Variants in MYH15 observed in about 807,000 individuals in gnomAD.
The protein encoded by MYH15 is myosin heavy chain 15.
Under a neutral mutation model 240.5 loss-of-function variants are expected in MYH15, and 227 were observed. That is an observed-to-expected ratio of 0.94 (90% CI 0.85 to 1.05). The LOEUF (loss-of-function observed/expected upper bound fraction) is 1.05. Ranked by LOEUF, MYH15 falls within the 50% of genes least tolerant of loss-of-function variation. The probability of loss-of-function intolerance (pLI) is 0.00; values close to 1 mark genes in which losing one functional copy is unlikely to be tolerated. For missense variants in MYH15, 2,217 were observed against 2,247.5 expected (o/e 0.99, Z 0.27); for synonymous variants, 785 against 796.7 (o/e 0.99, Z 0.25).
chr3:108,411,756 T>C (rs185009142), intron 30 of MYH15, among the ~76,000 whole-genome samples: 3 of 152,314 alleles, frequency 2.0e-5, no homozygotes, highest in Admixed American at 2.0e-4. Flanking sequence ...CCAAAGCTTT[T>C]TCTCATCTAC....
chr3:108,455,623 TATGGTC>T, intron 20 of MYH15, 107 bp downstream of exon 20: 1 of 1,203,330 alleles, frequency 8.3e-7, no homozygotes, highest in Non-Finnish European at 1.2e-6. Context: ...TTGTGATATT[TATGGTC>T]ATGAGAGCTG....
chr3:108,463,015 CAT>C, intron 16 of MYH15, 94 bp downstream of exon 16: 1 of 1,384,944 alleles, frequency 7.2e-7, no homozygotes. Context: ...GGAGCAGAAA[CAT>C]ATCACAGGAA....
chr3:108,443,610 G>GA (rs2082901937), intron 22 of MYH15, among the ~76,000 whole-genome samples: 1 of 152,160 alleles, frequency 6.6e-6, no homozygotes, highest in African/African-American at 2.4e-5. Flanking sequence ...GGAGTAACAT[G>GA]AAAGAGAGTG....
chr3:108,492,695 C>T, intron 8 of MYH15, 100 bp from the exon 9 acceptor site: 1 of 828,236 alleles, frequency 1.2e-6, no homozygotes, highest in Non-Finnish European at 1.9e-6. Flanking sequence ...AACTGTAATC[C>T]CAGCATTTTG....
chr3:108,510,659 T>C, upstream of MYH15: 1 of 1,433,320 alleles, frequency 7.0e-7, no homozygotes, highest in Non-Finnish European at 9.6e-7. Context: ...GAGCAACCAT[T>C]CACATAGATA....
the MYH15 span, among the ~76,000 whole-genome samples, chr3:108,544,723 T>C: frequency 6.6e-6 from 1 of 152,298 alleles, no homozygotes; most frequent in East Asian, 1.9e-4. Flanking sequence ...CCCAAGATTC[T>C]TGTAACCCTT....
Position 108,456,821 on chromosome 3 carries a change from T to G in MYH15, c.2083A>C (p.Arg695=). ...LRCNGVLEGT[R]ICREGFPNRL... Reference sequence around the variant, plus strand: ...TTTGGAAAACCTTCACGGCATATCCTAGTCCCTTCCAAGACACCATTACAG... The same window carrying G: ...TTTGGAAAACCTTCACGGCATATCCGAGTCCCTTCCAAGACACCATTACAG... The change falls in exon 19 of 41, where the codon AGG becomes CGG. Residue 695 remains arginine, a synonymous_variant. Transcript: ENST00000693548. The G allele has an allele frequency of 1.9e-6, 3 of 1,613,814 alleles. No homozygotes were observed. The East Asian group carries it at 6.7e-5, about 36-fold the overall frequency.
At chr3:108,386,428 G>A (rs1167969123) in intron 38 of MYH15, among the ~76,000 whole-genome samples, 1 of 152,084 alleles carries the variant, frequency 6.6e-6, no homozygotes, top group Non-Finnish European at 1.5e-5. Context: ...ACCTCCAACT[G>A]CAGTGCCTTT....
At chr3:108,474,433 C>T (rs2083202466) in intron 12 of MYH15, among the ~76,000 whole-genome samples, 1 of 151,210 alleles carries the variant, frequency 6.6e-6, no homozygotes, top group Non-Finnish European at 1.5e-5. Flanking sequence ...GACTTGTTCT[C>T]AGCCCTCCTA....
intron 32 of MYH15, among the ~76,000 whole-genome samples, chr3:108,406,790 G>C (rs1328938231): frequency 6.6e-6 from 1 of 152,168 alleles, no homozygotes; most frequent in Non-Finnish European, 1.5e-5. Flanking sequence ...TAAGTGGTTT[G>C]AGCATTATGG....
At chr3:108,480,199 TA>T (rs1402851458) in intron 11 of MYH15, among the ~76,000 whole-genome samples, 1 of 150,536 alleles carries the variant, frequency 6.6e-6, no homozygotes, top group African/African-American at 2.4e-5. Flanking sequence ...GGGGAAGGAT[TA>T]AAAAAGAAAC....
chr3:108,484,547 C>T (rs976026095), intron 11 of MYH15, among the ~76,000 whole-genome samples: 1 of 152,196 alleles, frequency 6.6e-6, no homozygotes, highest in Non-Finnish European at 1.5e-5. Flanking sequence ...GGAGCGATCT[C>T]GGCTCACTAC....
At position 108,456,765 on chromosome 3, in the gene MYH15, C is replaced by T; in HGVS notation, c.2138+1G>A. The T allele has an allele frequency of 1.2e-6, 2 of 1,602,402 alleles. No individual in the cohort carries two copies. The highest frequency in any genetic ancestry group is 8.5e-7 in the Non-Finnish European group (1 of 1,169,682). Reference sequence around the variant, plus strand: ...TCTTGGATCCTAGAATGTAGGTTTACCTTTGTTTAAAATCAGCATACTGCA... The same window carrying T: ...TCTTGGATCCTAGAATGTAGGTTTATCTTTGTTTAAAATCAGCATACTGCA... On this transcript the variant is annotated splice_donor_variant, in intron 19 of 40. Coordinates refer to ENST00000693548, the MANE Select transcript of MYH15 (RefSeq NM_014981.3). LOFTEE classifies it high-confidence loss of function.
Position 108,443,282 on chromosome 3 carries a change from T to A in MYH15, c.2655+1358A>T, listed in dbSNP as rs529252350. 5.3e-5 allele frequency among the ~76,000 whole-genome samples: 8 copies of A among 152,028 alleles called. 1 individual carries two copies. In the South Asian group the frequency reaches 1.7e-3, roughly 32 times the overall value. Reference sequence around the variant, plus strand: ...GTTAAATACGTATCAGAAATGGGGGTTTGGGTGTAAAGTCTTACATAAAAT... The same window carrying A: ...GTTAAATACGTATCAGAAATGGGGGATTGGGTGTAAAGTCTTACATAAAAT... On this transcript the variant is annotated intron_variant, in intron 22 of 40. Transcript: ENST00000693548.
In MYH15 at chr3:108,441,227, A is replaced by C. The variant is rs767992111; in HGVS notation, c.2689T>G (p.Cys897Gly). 2 of 1,613,980 alleles carry C rather than the reference A, an allele frequency of 1.2e-6. No homozygotes were observed. The highest frequency in any genetic ancestry group is 1.3e-5 in the African/African-American group (1 of 74,918). ...ATCTTGGATTTAATCAGCCACTCGC[A>C]CTGCTCTTCAACATTTGCCAGTGTC... ...QETLANVEEQ[C>G]EWLIKSKIQL... Residue 897 changes from cysteine (C) to glycine (G), a missense_variant, in exon 23 of 41, where the codon TGC (cysteine) becomes GGC (glycine). Transcript: ENST00000693548.
intron 20 of MYH15, among the ~76,000 whole-genome samples, chr3:108,454,570 T>C (rs1299027886): frequency 2.0e-5 from 3 of 152,172 alleles, no homozygotes; most frequent in Admixed American, 2.0e-4. Flanking sequence ...TATTCTTGTT[T>C]TTTTAAACAA....
chr3:108,421,085 T>C lies in MYH15; in HGVS notation c.3829+3A>G. The C allele has an allele frequency of 6.2e-7, 1 of 1,613,962 alleles. No individual in the cohort carries two copies. The highest frequency in any genetic ancestry group is 8.5e-7 in the Non-Finnish European group (1 of 1,179,880). On this transcript the variant is annotated splice_donor_region_variant and intron_variant, in intron 28 of 40. Coordinates refer to ENST00000693548, the MANE Select transcript of MYH15 (RefSeq NM_014981.3). ...CTATGAGTCAAGCAGCATACTTACTTACCACTCTCACTCCACAGCTTTGTC... is the reference window on the plus strand; with the variant it reads ...CTATGAGTCAAGCAGCATACTTACTCACCACTCTCACTCCACAGCTTTGTC...
chr3:108,507,538 G>C (rs917581612), intron 1 of MYH15, among the ~76,000 whole-genome samples: 1 of 152,142 alleles, frequency 6.6e-6, no homozygotes, highest in Non-Finnish European at 1.5e-5. Context: ...CCCAGAGGAA[G>C]GCAATAAGAC....
intron 9 of MYH15, among the ~76,000 whole-genome samples, chr3:108,488,777 T>C (rs1008898595): frequency 8.5e-5 from 13 of 152,212 alleles, no homozygotes; most frequent in African/African-American, 3.1e-4. Context: ...GGATACTGAG[T>C]TCATTTCCCT....
Sources: gnomAD v4.1 joint callset for allele counts (sites outside exome capture counted in the v4.1 genomes callset) on GRCh38, gnomAD v4.1.1 for gene constraint, MANE v1.5 for transcripts, NCBI Gene and HGNC (gene_info 2026-07-23, HGNC 2026-07-21) for gene names.